PCDHA13: variants seen among roughly 807,000 people sequenced by gnomAD.
The protein encoded by PCDHA13 is protocadherin alpha 13, also known as protocadherin alpha-13.
A neutral mutation model predicts 64.8 loss-of-function variants in PCDHA13; 54 were observed. That is an observed-to-expected ratio of 0.83 (90% confidence interval 0.67 to 1.04). The LOEUF (loss-of-function observed/expected upper bound fraction) is 1.04, where lower values mean the gene tolerates loss of function less well. PCDHA13 is among the 50% of genes least tolerant of loss of function. The pLI is 0.00. For synonymous variants in PCDHA13, 587 were observed against 564.4 expected, an observed-to-expected ratio of 1.04 and a Z score of -0.57; for missense variants, 1,248 against 1,254.3, an observed-to-expected ratio of 0.99 and a Z score of 0.08.
chr5:140,949,335 C>T (rs1388078558), intron 1 of PCDHA13, among the ~76,000 whole-genome samples: 1 of 151,586 alleles, frequency 6.6e-6, no homozygotes, highest in Non-Finnish European at 1.5e-5. Flanking sequence ...TATTGTTATC[C>T]AGATTTTCTG....
chr5:140,954,017 T>C (rs2094968085), intron 1 of PCDHA13, among the ~76,000 whole-genome samples: 1 of 152,162 alleles, frequency 6.6e-6, no homozygotes, highest in Admixed American at 6.5e-5. Flanking sequence ...CTCCCACACA[T>C]AGTGGGACGA....
intron 3 of PCDHA13, among the ~76,000 whole-genome samples, chr5:141,008,842 T>C (rs1554261951): frequency 6.6e-6 from 1 of 152,214 alleles, no homozygotes; most frequent in East Asian, 1.9e-4. Context: ...TCTTACGCTG[T>C]GTATTCCCAT....
At position 140,934,119 on chromosome 5, in the gene PCDHA13, C is replaced by A. The variant is rs1339301991; in HGVS notation, c.2395-44830C>A. Among the ~76,000 whole-genome samples, 6 of 152,170 alleles carry A rather than the reference C, an allele frequency of 3.9e-5. No individual in the cohort carries two copies. In the East Asian group the frequency reaches 1.2e-3, roughly 29 times the overall value. ...GCTTTCTATTTTATTAATTTTCATA[C>A]TTTATTAATTTATTTCCTTCCTTAT... On this transcript the variant is annotated intron_variant, in intron 1 of 3. Transcript: ENST00000289272.
chr5:140,943,257 C>CAA lies in PCDHA13; in HGVS notation c.2395-35673_2395-35672dup, dbSNP rs1238620023. Reference sequence around the variant, plus strand: ...TGGGTCACAGAGTGAGACTCTGTCTCAAAAAAAAAAAAAAAAAAAAGAAAG... The same window carrying CAA: ...TGGGTCACAGAGTGAGACTCTGTCTCAAAAAAAAAAAAAAAAAAAAAAGAAAG... On this transcript the variant is annotated intron_variant, in intron 1 of 3. Transcript: ENST00000289272. Among the ~76,000 whole-genome samples the CAA allele has an allele frequency of 2.6e-3, 203 of 77,270 alleles. 1 individual carries two copies. Among genetic ancestry groups the CAA allele is most frequent in the African/African-American group, 9.8e-3 (185 of 18,826 alleles). The allele number at this position is 77,270 out of a possible 152,430, so 50.7% of individuals were successfully genotyped here. A position where few individuals can be genotyped will look rare whatever the true frequency, so the allele number is the denominator to read the frequency against.
Position 141,009,632 on chromosome 5 carries a change from G to A in PCDHA13, c.2548G>A (p.Glu850Lys). 1 of 1,613,032 alleles carries A rather than the reference G, an allele frequency of 6.2e-7. No individual in the cohort carries two copies. Among genetic ancestry groups the A allele is most frequent in the Non-Finnish European group, 8.5e-7 (1 of 1,179,354 alleles). The change falls in exon 4 of 4, where the codon GAG (glutamate) becomes AAG (lysine). Residue 850 changes from glutamate to lysine, a missense_variant. Transcript: ENST00000289272. The stretch of plus-strand genomic sequence containing the variant: ...TGTAATGTTTTGTCTTTCAGAACCA[G>A]AGGCAGGAGAAGTGTCCCCTCCAGT... ...PTVSSATPEP[E>K]AGEVSPPVGA...
chr5:140,973,586 C>A (rs1207651483), intron 1 of PCDHA13, among the ~76,000 whole-genome samples: 1 of 152,176 alleles, frequency 6.6e-6, no homozygotes, highest in Non-Finnish European at 1.5e-5. Flanking sequence ...GACTGCTGAG[C>A]CAGATGGAAT....
chr5:140,943,420 G>T (rs1197382156), intron 1 of PCDHA13, among the ~76,000 whole-genome samples: 1 of 152,040 alleles, frequency 6.6e-6, no homozygotes, highest in Non-Finnish European at 1.5e-5. Context: ...AGAGGCAAGG[G>T]CTTTAATATG....
At chr5:140,887,612 G>A (rs2061514716) in intron 1 of PCDHA13, among the ~76,000 whole-genome samples, 1 of 151,760 alleles carries the variant, frequency 6.6e-6, no homozygotes, top group East Asian at 1.9e-4. Flanking sequence ...GCTTTAGTAT[G>A]GTTTTCTTTA....
chr5:140,999,459 T>C (rs2097858774), intron 3 of PCDHA13, among the ~76,000 whole-genome samples: 1 of 152,138 alleles, frequency 6.6e-6, no homozygotes, highest in Non-Finnish European at 1.5e-5. Flanking sequence ...AACGAATAAG[T>C]GGTGAAGCAG....
At chr5:140,996,947 T>C (rs1224598113) in intron 3 of PCDHA13, among the ~76,000 whole-genome samples, 2 of 152,176 alleles carry the variant, frequency 1.3e-5, no homozygotes, top group Non-Finnish European at 2.9e-5. Context: ...CATAGAAATA[T>C]TTATTTCCCT....
chr5:141,008,400 T>A (rs1347375750), intron 3 of PCDHA13, among the ~76,000 whole-genome samples: 3 of 152,082 alleles, frequency 2.0e-5, no homozygotes, highest in African/African-American at 7.2e-5. Context: ...GATGTCAGAG[T>A]TCCAATGTCA....
chr5:140,901,249 C>T (rs1554189685), intron 1 of PCDHA13, among the ~76,000 whole-genome samples: 1 of 151,994 alleles, frequency 6.6e-6, no homozygotes, highest in Admixed American at 6.6e-5. Flanking sequence ...TCCTTTGGTT[C>T]CCTGTGATTG....
chr5:140,995,498 CTG>C (rs1554254703), intron 3 of PCDHA13, among the ~76,000 whole-genome samples: 5 of 152,150 alleles, frequency 3.3e-5, no homozygotes, highest in Non-Finnish European at 5.9e-5. Context: ...CTAAGGTTGA[CTG>C]TGGGTAACTG....
chr5:140,999,812 G>A (rs1305602487), intron 3 of PCDHA13, among the ~76,000 whole-genome samples: 2 of 152,270 alleles, frequency 1.3e-5, no homozygotes, highest in East Asian at 3.9e-4. Flanking sequence ...CACAAAGCAA[G>A]AGCTGTGGCT....
intron 3 of PCDHA13, among the ~76,000 whole-genome samples, chr5:140,989,192 C>A (rs1458235302): frequency 6.6e-6 from 1 of 152,192 alleles, no homozygotes; most frequent in African/African-American, 2.4e-5. Context: ...GAATTACCCT[C>A]CCTTCTAGCT....
intron 1 of PCDHA13, among the ~76,000 whole-genome samples, chr5:140,954,689 A>T (rs1392082377): frequency 2.0e-5 from 3 of 152,164 alleles, no homozygotes; most frequent in Non-Finnish European, 4.4e-5. Context: ...TCAGATGGAT[A>T]GACTACAAAA....
chr5:140,975,612 C>T (rs1554236918), intron 1 of PCDHA13, among the ~76,000 whole-genome samples: 1 of 152,194 alleles, frequency 6.6e-6, no homozygotes, highest in Non-Finnish European at 1.5e-5. Flanking sequence ...ATGTCTTCCA[C>T]ATGGATTTCC....
Position 140,988,156 on chromosome 5 carries a change from C to T in PCDHA13, c.2542+5593C>T, listed in dbSNP as rs546335543. Among the ~76,000 whole-genome samples, 7 of 152,172 alleles carry T rather than the reference C, an allele frequency of 4.6e-5. No individual in the cohort carries two copies. The South Asian group carries it at 1.5e-3, about 32-fold the overall frequency. On this transcript the variant is annotated intron_variant, in intron 3 of 3. Coordinates refer to ENST00000289272, the MANE Select transcript of PCDHA13 (RefSeq NM_018904.3). ...TAACCTGTTCAACCTCAACTTCTGCCGTTGTCATAGCAATGACAGTCCTGG... is the reference window on the plus strand; with the variant it reads ...TAACCTGTTCAACCTCAACTTCTGCTGTTGTCATAGCAATGACAGTCCTGG...
intron 1 of PCDHA13, chr5:140,969,204 C>T (rs1453693936): frequency 3.2e-5 from 51 of 1,613,996 alleles, no homozygotes; most frequent in African/African-American, 1.5e-4. Context: ...AATACAGGGG[C>T]CCAGACAGGA....
Sources: allele counts gnomAD v4.1 joint callset (sites outside exome capture counted in the v4.1 genomes callset), GRCh38; gene constraint gnomAD v4.1.1; transcripts MANE v1.5; gene names NCBI Gene and HGNC (gene_info 2026-07-23, HGNC 2026-07-21).